The following GLG1 variants were observed in gnomAD, a reference collection of about 807,000 sequenced individuals.
GLG1 encodes Golgi apparatus protein 1.
GLG1 carries 38 observed loss-of-function variants against 160.5 expected under a neutral mutation model. The observed-to-expected ratio is 0.24, with a 90% CI of 0.18 to 0.31. The LOEUF is 0.31. Ranked by LOEUF, GLG1 falls within the 10% of genes least tolerant of loss-of-function variation. GLG1 has a pLI of 1.00. For missense variants in GLG1, 1,373 were observed against 1,505.2 expected, an observed-to-expected ratio of 0.91 and a Z score of 1.45; for synonymous variants, 644 against 543.4, an observed-to-expected ratio of 1.19 and a Z score of -2.57.
intron 1 of GLG1, among the ~76,000 whole-genome samples, chr16:74,532,412 G>A (rs2017567051): frequency 1.3e-5 from 2 of 152,258 alleles, no homozygotes; most frequent in South Asian, 2.1e-4. Flanking sequence ...GGAGAATGGA[G>A]AAGAATATGC....
At chr16:74,566,277 T>C (rs1270315776) in intron 1 of GLG1, among the ~76,000 whole-genome samples, 1 of 152,236 alleles carries the variant, frequency 6.6e-6, no homozygotes, top group African/African-American at 2.4e-5. Context: ...GCCCACCTCC[T>C]GGACAGGGAA....
At chr16:74,544,296 T>C (rs1359631285) in intron 1 of GLG1, among the ~76,000 whole-genome samples, 1 of 152,112 alleles carries the variant, frequency 6.6e-6, no homozygotes, top group Non-Finnish European at 1.5e-5. Context: ...CTTGGAAAAA[T>C]TATTTAACAT....
At chr16:74,531,405 G>A (rs754091973) in intron 2 of GLG1, among the ~76,000 whole-genome samples, 107 of 152,150 alleles carry the variant, frequency 7.0e-4, no homozygotes, top group Non-Finnish European at 1.4e-3. Context: ...TGAAACCTCC[G>A]CCTCCTGGGT....
chr16:74,517,269 T>C (rs544569156), intron 2 of GLG1, among the ~76,000 whole-genome samples: 1 of 152,122 alleles, frequency 6.6e-6, no homozygotes, highest in Non-Finnish European at 1.5e-5. Context: ...TAGACCAATA[T>C]CCCTGATCAA....
intron 4 of GLG1, among the ~76,000 whole-genome samples, chr16:74,498,663 G>A (rs9788852): frequency 0.15 from 22,312 of 146,428 alleles, 2,123 homozygotes; most frequent in South Asian, 0.38. Context: ...TCAGGAGTTC[G>A]AGACCAGCCT....
At chr16:74,520,676 A>T (rs1273116316) in intron 2 of GLG1, among the ~76,000 whole-genome samples, 1 of 152,188 alleles carries the variant, frequency 6.6e-6, no homozygotes, top group African/African-American at 2.4e-5. Flanking sequence ...CATGAGTCAT[A>T]AATGTTTGGA....
Position 74,540,033 on chromosome 16 carries a change from ATTTTATATATATATTATATATATT to A in GLG1, c.439-7904_439-7881del, listed in dbSNP as rs1567511948. Among the ~76,000 whole-genome samples, 50 of 24,864 alleles carry A rather than the reference ATTTTATATATATATTATATATATT, an allele frequency of 2.0e-3. 18 individuals carry two copies. The highest frequency in any genetic ancestry group is 9.0e-3 in the African/African-American group (48 of 5,350). The allele number at this position is 24,864 out of a possible 152,430, so 16.3% of individuals were successfully genotyped here. ...TATTTTATATATATATATTATATAT[ATTTTATATATATATTATATATATT>A]TTATATATATATATTATATATATTT... is the stretch of plus-strand genomic sequence containing the variant. On this transcript the variant is annotated intron_variant, in intron 1 of 25. Transcript: ENST00000422840.
chr16:74,480,891 G>A (rs2015574268), intron 10 of GLG1, among the ~76,000 whole-genome samples: 1 of 152,146 alleles, frequency 6.6e-6, no homozygotes, highest in South Asian at 2.1e-4. Flanking sequence ...AGTCAGCACT[G>A]TGGGAGGCCT....
Position 74,496,591 on chromosome 16 carries a change from T to C in GLG1, c.828A>G (p.Lys276=), listed in dbSNP as rs2143411529. The change falls in exon 5 of 26, where the codon AAA becomes AAG. Residue 276 remains lysine (K), a synonymous_variant. Coordinates refer to ENST00000422840, the MANE Select transcript of GLG1 (RefSeq NM_001145667.2). The part of the protein sequence containing the change: ...VVSCLEKGLV[K]EAEEREPKIQ... ...TCTTGGGTTCTCTTTCTTCTGCTTC[T>C]TTCACCAGGCCTTTCTCCAAGCATG... 3 of 1,613,512 alleles carry C rather than the reference T, an allele frequency of 1.9e-6. No homozygotes were observed. Among genetic ancestry groups the C allele is most frequent in the Non-Finnish European group, 2.5e-6 (3 of 1,179,548 alleles).
intron 1 of GLG1, among the ~76,000 whole-genome samples, chr16:74,605,519 T>G (rs1958546216): frequency 6.6e-6 from 1 of 152,188 alleles, no homozygotes; most frequent in Admixed American, 6.6e-5. Flanking sequence ...CCTCTAGTCG[T>G]TAAGCTGAAG....
chr16:74,503,789 T>A, intron 3 of GLG1, 43 bp from the exon 4 acceptor site: 1 of 1,221,912 alleles, frequency 8.2e-7, no homozygotes, highest in Non-Finnish European at 1.2e-6. Flanking sequence ...TGTTCCATGC[T>A]CGTATCAAAC....
At chr16:74,593,140 C>A (rs1958221169) in intron 1 of GLG1, among the ~76,000 whole-genome samples, 1 of 152,148 alleles carries the variant, frequency 6.6e-6, no homozygotes, top group African/African-American at 2.4e-5. Flanking sequence ...CCTCCAGAAC[C>A]ATGAGCCAAA....
chr16:74,566,108 G>C (rs1278614112), intron 1 of GLG1, among the ~76,000 whole-genome samples: 5 of 152,120 alleles, frequency 3.3e-5, no homozygotes, highest in Non-Finnish European at 7.4e-5. Flanking sequence ...TCGCATCAAA[G>C]GCATACATGC....
In GLG1 at chr16:74,595,407, G is replaced by A. The variant is rs543349138; in HGVS notation, c.438+11250C>T. Among the ~76,000 whole-genome samples, 4 of 151,652 alleles carry A rather than the reference G, an allele frequency of 2.6e-5. No homozygotes were observed. In the South Asian group the frequency reaches 8.3e-4, roughly 31 times the overall value. On this transcript the variant is annotated intron_variant, in intron 1 of 25. Coordinates refer to ENST00000422840, the MANE Select transcript of GLG1 (RefSeq NM_001145667.2). ...AAAAAATTAGCCGGTCGTGGTGGCG[G>A]GCGCCTGTAGTCCCAGCTACTCTGG... is the stretch of plus-strand genomic sequence containing the variant.
intron 13 of GLG1, among the ~76,000 whole-genome samples, chr16:74,473,466 G>T (rs1330556137): frequency 2.9e-4 from 35 of 118,790 alleles, no homozygotes; most frequent in African/African-American, 1.1e-3. Context: ...GAGACATAGA[G>T]TCTCGCTCTG....
At chr16:74,496,747 CAA>C in intron 4 of GLG1, 103 bp from the exon 5 acceptor site, 2 of 709,436 alleles carry the variant, frequency 2.8e-6, no homozygotes, top group South Asian at 1.8e-5. Context: ...CACACACACA[CAA>C]AGTAATAAAA....
intron 1 of GLG1, among the ~76,000 whole-genome samples, chr16:74,545,839 TA>T (rs1404601564): frequency 6.6e-6 from 1 of 152,224 alleles, no homozygotes; most frequent in Non-Finnish European, 1.5e-5. Context: ...CCAGTCAATA[TA>T]ATTCTCTCAT....
chr16:74,562,739 T>G (rs544162165), intron 1 of GLG1, among the ~76,000 whole-genome samples: 1 of 152,278 alleles, frequency 6.6e-6, no homozygotes, highest in Non-Finnish European at 1.5e-5. Flanking sequence ...CCTCCCAAAG[T>G]GTAGAGATTA....
At chr16:74,516,121 A>C (rs374933242) in intron 2 of GLG1, among the ~76,000 whole-genome samples, 5 of 151,566 alleles carry the variant, frequency 3.3e-5, no homozygotes, top group East Asian at 1.9e-4. Flanking sequence ...CTTTAACACC[A>C]CACTGTCAAC....
Sources: allele counts gnomAD v4.1 joint callset (sites outside exome capture counted in the v4.1 genomes callset), GRCh38; gene constraint gnomAD v4.1.1; transcripts MANE v1.5; gene names NCBI Gene and HGNC (gene_info 2026-07-23, HGNC 2026-07-21).